KHDRBS1: variants seen among roughly 807,000 people sequenced by gnomAD.
The protein encoded by KHDRBS1 is KH domain-containing, RNA-binding, signal transduction-associated protein 1.
In KHDRBS1, 7 loss-of-function variants were observed where a neutral mutation model predicts 48.4. The observed-to-expected ratio is 0.14, with a 90% CI of 0.08 to 0.27. The LOEUF (loss-of-function observed/expected upper bound fraction) is 0.27, where lower values mean the gene tolerates loss of function less well. Ranked by LOEUF, KHDRBS1 falls within the 10% of genes least tolerant of loss-of-function variation. The probability of loss-of-function intolerance (pLI) is 1.00; values close to 1 mark genes in which losing one functional copy is unlikely to be tolerated. For synonymous variants in KHDRBS1, 241 were observed against 235.8 expected (o/e 1.02, Z -0.20); for missense variants, 458 against 601.2 (o/e 0.76, Z 2.49).
At chr1:32,039,492 A>T in intron 7 of KHDRBS1, 23 bp from the exon 8 acceptor site, 1 of 1,178,744 alleles carries the variant, frequency 8.5e-7, no homozygotes, top group Non-Finnish European at 1.3e-6. Flanking sequence ...GTAGCTTCCT[A>T]ACACTCTGCC....
intron 2 of KHDRBS1, among the ~76,000 whole-genome samples, chr1:32,030,649 A>T (rs1639064149): frequency 6.6e-6 from 1 of 152,202 alleles, no homozygotes; most frequent in African/African-American, 2.4e-5. Flanking sequence ...ATTATCAAAA[A>T]GTTTCTTTCT....
chr1:32,020,113 CTAAAT>C (rs1638828830), intron 1 of KHDRBS1, among the ~76,000 whole-genome samples: 4 of 151,774 alleles, frequency 2.6e-5, no homozygotes. Flanking sequence ...TTTTACAAAA[CTAAAT>C]GTGCTTATTG....
chr1:32,033,089 G>T, intron 3 of KHDRBS1, 99 bp from the exon 4 acceptor site: 1 of 807,444 alleles, frequency 1.2e-6, no homozygotes, highest in Non-Finnish European at 2.0e-6. Context: ...TGTTTTTCAT[G>T]GACATTAGGG....
intron 4 of KHDRBS1, among the ~76,000 whole-genome samples, chr1:32,036,652 G>C (rs1557896089): frequency 6.6e-6 from 1 of 152,108 alleles, no homozygotes; most frequent in East Asian, 1.9e-4. Context: ...TTGTGAGTAG[G>C]TTATATATAG....
chr1:32,024,435 C>G (rs751917962), intron 1 of KHDRBS1, among the ~76,000 whole-genome samples: 6 of 151,916 alleles, frequency 3.9e-5, no homozygotes, highest in Non-Finnish European at 8.8e-5. Flanking sequence ...CTCAGCCTCT[C>G]TAGTAACTGG....
exon 11 of KHDRBS1, chr1:32,060,189 G>GAGCT: frequency 6.6e-6 from 1 of 152,180 alleles, no homozygotes; most frequent in African/African-American, 2.4e-5. Flanking sequence ...GAAACCTGGA[G>GAGCT]AGCTACCTGC....
rs34505125 is a variant in KHDRBS1, at chr1:32,017,600, CTTTTTTTTTTT to C, written c.382+3237_382+3247del. Among the ~76,000 whole-genome samples the C allele has an allele frequency of 3.2e-3, 235 of 73,822 alleles. 1 individual carries two copies. The highest frequency in any genetic ancestry group is 0.012 in the African/African-American group (227 of 18,994). The allele number at this position is 73,822 out of a possible 152,430, so 48.4% of individuals were successfully genotyped here. ...TATAGATACCAGTGTTCTTTTTCTA[CTTTTTTTTTTT>C]TTTTTTTTTTTTTGAGACGGAGTTG... On this transcript the variant is annotated intron_variant, in intron 1 of 8. Coordinates refer to ENST00000327300, the MANE Select transcript of KHDRBS1 (RefSeq NM_006559.3).
In KHDRBS1 at chr1:32,037,995, C is replaced by T. The variant is rs754164086; in HGVS notation, c.1066C>T (p.Pro356Ser). The T allele has an allele frequency of 1.9e-6, 3 of 1,614,182 alleles. No individual in the cohort carries two copies. Among genetic ancestry groups the T allele is most frequent in the Non-Finnish European group, 2.5e-6 (3 of 1,180,028 alleles). The change falls in exon 6 of 9, where the codon CCT (proline) becomes TCT (serine). Residue 356 changes from proline to serine, a missense_variant. This residue lies in a region of KHDRBS1 where 171 missense variants were observed against 228.7 expected (regional missense o/e 0.75). Transcript: ENST00000327300. The stretch of plus-strand genomic sequence containing the variant: ...ACGGACAGCGGGCATCCAGAGGATA[C>T]CTTTGCCTCCACCTCCTGCACCAGA... The part of the protein sequence containing the change: ...RARTAGIQRI[P>S]LPPPPAPETY...
At position 32,042,935 on chromosome 1, in the gene KHDRBS1, T is replaced by TAA. The variant is rs901123254; in HGVS notation, c.*322_*323dup. 1.2e-4 allele frequency: 18 copies of TAA among 156,132 alleles called. No homozygotes were observed. The highest frequency in any genetic ancestry group is 2.0e-4 in the South Asian group (1 of 4,924). 9.7% of individuals were successfully genotyped at this position (156,132 alleles called of 1,614,324 possible). A position where few individuals can be genotyped will look rare whatever the true frequency, so the allele number is the denominator to read the frequency against. On this transcript the variant is annotated 3_prime_UTR_variant, in exon 9 of 9. Transcript: ENST00000327300. ...TTTATAATAAAAAAAAGAAGTTGAG[T>TAA]AAAAAAAAAAAACACACAAACCTGT... is the stretch of plus-strand genomic sequence containing the variant.
At chr1:32,040,174 G>A (rs954424272) in intron 8 of KHDRBS1, among the ~76,000 whole-genome samples, 1 of 152,250 alleles carries the variant, frequency 6.6e-6, no homozygotes, top group South Asian at 2.1e-4. Flanking sequence ...AACACTTTGC[G>A]AGGCCGAGGC....
downstream of KHDRBS1, among the ~76,000 whole-genome samples, chr1:32,044,330 C>G (rs1263965450): frequency 6.6e-6 from 1 of 152,202 alleles, no homozygotes; most frequent in Non-Finnish European, 1.5e-5. Context: ...ACAGTTCAGC[C>G]AACTCTGGGT....
intron 1 of KHDRBS1, among the ~76,000 whole-genome samples, chr1:32,028,238 A>G (rs1434246302): frequency 6.6e-6 from 1 of 152,144 alleles, no homozygotes; most frequent in Non-Finnish European, 1.5e-5. Flanking sequence ...GACCAGCAAT[A>G]TCAGAATTAC....
chr1:32,032,654 G>A (rs1397963011), intron 3 of KHDRBS1, among the ~76,000 whole-genome samples: 2 of 152,016 alleles, frequency 1.3e-5, no homozygotes, highest in Admixed American at 6.6e-5. Flanking sequence ...CAGACCATGT[G>A]CAAGTTTAGC....
At chr1:32,050,772 G>A (rs576806222) in intron 10 of KHDRBS1, among the ~76,000 whole-genome samples, 60 of 151,932 alleles carry the variant, frequency 3.9e-4, no homozygotes, top group Admixed American at 5.9e-4. Flanking sequence ...CACCCACCTC[G>A]GCCTCCCAAA....
chr1:32,020,827 A>G (rs1638843382), intron 1 of KHDRBS1, among the ~76,000 whole-genome samples: 1 of 152,200 alleles, frequency 6.6e-6, no homozygotes, highest in Non-Finnish European at 1.5e-5. Flanking sequence ...ACTGGCTATC[A>G]AAGGGTAAGG....
intron 1 of KHDRBS1, among the ~76,000 whole-genome samples, chr1:32,029,158 A>G (rs1282555105): frequency 6.6e-6 from 1 of 152,150 alleles, no homozygotes; most frequent in Non-Finnish European, 1.5e-5. Flanking sequence ...ATGGTAGGAA[A>G]TCTTTTTGTA....
chr1:32,031,061 C>T (rs1639072456), intron 2 of KHDRBS1, among the ~76,000 whole-genome samples: 1 of 152,056 alleles, frequency 6.6e-6, no homozygotes, highest in Non-Finnish European at 1.5e-5. Flanking sequence ...CCAGCCTGAG[C>T]AACATAGCGA....
chr1:32,024,529 G>A (rs192795545), intron 1 of KHDRBS1, among the ~76,000 whole-genome samples: 90 of 150,154 alleles, frequency 6.0e-4, no homozygotes, highest in African/African-American at 2.1e-3. Context: ...ATCTCACTCT[G>A]TTGCCCAGGC....
At chr1:32,058,922 C>T (rs533502776) in intron 10 of KHDRBS1, among the ~76,000 whole-genome samples, 3 of 151,928 alleles carry the variant, frequency 2.0e-5, no homozygotes, top group Non-Finnish European at 4.4e-5. Flanking sequence ...TTTGGGAGAC[C>T]GAGGTGGGCG....
Sources: allele counts gnomAD v4.1 joint callset (sites outside exome capture counted in the v4.1 genomes callset), GRCh38; gene constraint gnomAD v4.1.1; regional missense constraint gnomAD v4.1.1; transcripts MANE v1.5; gene names NCBI Gene and HGNC (gene_info 2026-07-23, HGNC 2026-07-21).